Variants in FXR1 observed in about 807,000 individuals in gnomAD.
FXR1 encodes RNA-binding protein FXR1.
In FXR1, 15 loss-of-function variants were observed where a neutral mutation model predicts 84.0. The ratio of observed to expected loss-of-function variants is 0.18; its 90% confidence interval spans 0.12 to 0.27. The LOEUF (loss-of-function observed/expected upper bound fraction) is 0.27, where lower values mean the gene tolerates loss of function less well. FXR1 is among the 10% of genes least tolerant of loss of function. The probability of loss-of-function intolerance (pLI) is 1.00; values close to 1 mark genes in which losing one functional copy is unlikely to be tolerated. For missense variants in FXR1, 480 were observed against 774.4 expected, an observed-to-expected ratio of 0.62 and a Z score of 4.51; for synonymous variants, 245 against 250.7, an observed-to-expected ratio of 0.98 and a Z score of 0.21.
chr3:180,976,286 T>A lies in FXR1; in HGVS notation c.1860T>A (p.Val620=). 6.3e-7 allele frequency: 1 copy of A among 1,585,068 alleles called. No individual in the cohort carries two copies. The highest frequency in any genetic ancestry group is 2.3e-5 in the East Asian group (1 of 44,306). ...AAGAAGCAGCAGTCCTGAATGGTGTTTCATAAACTGAAGAAGTTCCTAGTT... is the reference window on the plus strand; with the variant it reads ...AAGAAGCAGCAGTCCTGAATGGTGTATCATAAACTGAAGAAGTTCCTAGTT... ...NTQEAAVLNG[V]S The change falls in exon 17 of 17, where the codon GTT becomes GTA. Residue 620 remains valine, a synonymous_variant. Transcript: ENST00000357559.
chr3:180,947,165 C>G (rs762534157), intron 3 of FXR1, among the ~76,000 whole-genome samples: 17 of 152,086 alleles, frequency 1.1e-4, no homozygotes, highest in Non-Finnish European at 1.9e-4. Context: ...TCTCCTGCCT[C>G]AGCCCTCCGA....
intron 1 of FXR1, among the ~76,000 whole-genome samples, chr3:180,913,426 G>A (rs542256751): frequency 6.6e-6 from 1 of 152,174 alleles, no homozygotes; most frequent in Non-Finnish European, 1.5e-5. Context: ...TTTAAAGTAA[G>A]ATTTAAAATG....
At chr3:180,973,878 T>C (rs1713891963) in intron 15 of FXR1, among the ~76,000 whole-genome samples, 1 of 152,212 alleles carries the variant, frequency 6.6e-6, no homozygotes, top group Non-Finnish European at 1.5e-5. Context: ...GAATTGTAAA[T>C]ACCATCCAGC....
At chr3:180,931,026 CAA>C (rs57731098) in intron 1 of FXR1, among the ~76,000 whole-genome samples, 630 of 55,576 alleles carry the variant, frequency 0.011, 9 homozygotes, top group African/African-American at 0.035. Flanking sequence ...GAGACTGCCT[CAA>C]AAAAAAAAAA....
Position 180,925,147 on chromosome 3 carries a change from G to A in FXR1, c.52-8187G>A, listed in dbSNP as rs1044882333. Among the ~76,000 whole-genome samples the A allele has an allele frequency of 2.6e-5, 4 of 152,154 alleles. No individual in the cohort carries two copies. The East Asian group carries it at 7.8e-4, about 30-fold the overall frequency. On this transcript the variant is annotated intron_variant, in intron 1 of 16. Coordinates refer to ENST00000357559, the MANE Select transcript of FXR1 (RefSeq NM_005087.4). Reference sequence around the variant, plus strand: ...GGGGGCTGAGGTGGGTGGATCACGAGGTCAGGAGTTCGAGACCAGCCTGGC... The same window carrying A: ...GGGGGCTGAGGTGGGTGGATCACGAAGTCAGGAGTTCGAGACCAGCCTGGC...
intron 1 of FXR1, among the ~76,000 whole-genome samples, chr3:180,929,398 A>C (rs948025233): frequency 6.6e-6 from 1 of 152,220 alleles, no homozygotes; most frequent in African/African-American, 2.4e-5. Context: ...AAGAGTTTCA[A>C]ATGTAAACAT....
chr3:180,931,046 A>AAAAAAAAAAAAAAAAC (rs1441505081), intron 1 of FXR1, among the ~76,000 whole-genome samples: 1 of 150,586 alleles, frequency 6.6e-6, no homozygotes, highest in Non-Finnish European at 1.5e-5. Context: ...AAAAAAAAAA[A>AAAAAAAAAAAAAAAAC]AGACGTGAAT....
intron 1 of FXR1, among the ~76,000 whole-genome samples, chr3:180,921,167 C>T (rs905251907): frequency 6.6e-5 from 10 of 151,702 alleles, no homozygotes; most frequent in Non-Finnish European, 1.0e-4. Context: ...GGCAGGAGTT[C>T]GAGACCAGCC....
intron 3 of FXR1, among the ~76,000 whole-genome samples, chr3:180,947,268 A>G (rs1277563036): frequency 1.3e-5 from 2 of 152,200 alleles, no homozygotes; most frequent in African/African-American, 4.8e-5. Flanking sequence ...CCTTGTCTCG[A>G]ACTCCTGACC....
chr3:180,931,739 G>GTTT (rs5854881), intron 1 of FXR1, among the ~76,000 whole-genome samples: 16 of 101,428 alleles, frequency 1.6e-4, no homozygotes, highest in African/African-American at 5.9e-4. Flanking sequence ...GTTGTTGTGG[G>GTTT]TTTTTTTTTT....
At chr3:180,925,882 T>C (rs1442277276) in intron 1 of FXR1, among the ~76,000 whole-genome samples, 1 of 152,242 alleles carries the variant, frequency 6.6e-6, no homozygotes, top group Non-Finnish European at 1.5e-5. Context: ...ATGGGCTATA[T>C]ATTTTGTAAT....
chr3:180,967,938 A>G, intron 13 of FXR1, 113 bp from the exon 14 acceptor site: 1 of 679,648 alleles, frequency 1.5e-6, no homozygotes. Context: ...TCTTTCTTTG[A>G]AGCAGCCAAA....
intron 1 of FXR1, among the ~76,000 whole-genome samples, chr3:180,920,692 G>A (rs1447506358): frequency 6.6e-6 from 1 of 152,020 alleles, no homozygotes; most frequent in Admixed American, 6.6e-5. Flanking sequence ...TGTATTTTTA[G>A]TAGAGATGGC....
intron 16 of FXR1, 140 bp downstream of exon 16, chr3:180,975,544 G>C (rs1714131839): frequency 2.2e-6 from 1 of 461,738 alleles, no homozygotes; most frequent in African/African-American, 2.1e-5. Flanking sequence ...TCTTGAATAT[G>C]TTCTTGGCCC....
chr3:180,952,679 C>T (rs943327384), intron 8 of FXR1, among the ~76,000 whole-genome samples: 2 of 151,756 alleles, frequency 1.3e-5, no homozygotes, highest in African/African-American at 4.8e-5. Context: ...TATAAGTGTT[C>T]TCATTATAAA....
chr3:180,934,499 C>T (rs145898269), intron 2 of FXR1, among the ~76,000 whole-genome samples: 242 of 152,228 alleles, frequency 1.6e-3, no homozygotes, highest in Middle Eastern at 3.4e-3. Flanking sequence ...TTAATACATT[C>T]GTATTTGCTA....
Position 180,961,516 on chromosome 3 carries a change from G to A in FXR1, c.1039G>A (p.Val347Met), listed in dbSNP as rs752113039. The A allele has an allele frequency of 6.4e-7, 1 of 1,563,034 alleles. No homozygotes were observed. The highest frequency in any genetic ancestry group is 8.8e-7 in the Non-Finnish European group (1 of 1,134,434). Residue 347 changes from valine to methionine, a missense_variant, in exon 11 of 17, where the codon GTG (valine) becomes ATG (methionine). Around this residue, in one of 6 missense-constraint regions of FXR1, gnomAD observed 33 missense variants for 42.4 expected, o/e 0.78. Transcript: ENST00000357559. Reference sequence around the variant, plus strand: ...TGGCACTAAAGAAAGCATTGGAAATGTGCAGGTTCTTCTAGAGTATCATAT... The same window carrying A: ...TGGCACTAAAGAAAGCATTGGAAATATGCAGGTTCTTCTAGAGTATCATAT... ...FVGTKESIGN[V>M]QVLLEYHIAY...
At chr3:180,947,083 G>A (rs1349647425) in intron 3 of FXR1, among the ~76,000 whole-genome samples, 1 of 151,758 alleles carries the variant, frequency 6.6e-6, no homozygotes, top group Non-Finnish European at 1.5e-5. Context: ...ATGGAGTTTT[G>A]CTCTAGGTGC....
rs3026195 is a variant in FXR1, at chr3:180,948,769, A to T, written c.468A>T (p.Ala156=). ...AAGATTTTAAGAAAGCAGTAGGAGC[A>T]TGCAGAATTTTTTACCATCCAGAAA... ...AHKDFKKAVG[A]CRIFYHPETT... The change falls in exon 6 of 17, where the codon GCA becomes GCT. Residue 156 remains alanine (A), a synonymous_variant. Coordinates refer to ENST00000357559, the MANE Select transcript of FXR1 (RefSeq NM_005087.4). The T allele has an allele frequency of 6.8e-4, 1,077 of 1,584,718 alleles. 16 individuals carry two copies. The East Asian group carries it at 0.018, about 27-fold the overall frequency.
Sources: allele counts gnomAD v4.1 joint callset (sites outside exome capture counted in the v4.1 genomes callset), GRCh38; gene constraint gnomAD v4.1.1; regional missense constraint gnomAD v4.1.1; transcripts MANE v1.5; gene names NCBI Gene and HGNC (gene_info 2026-07-23, HGNC 2026-07-21).